CKAP5: variants seen among roughly 807,000 people sequenced by gnomAD.
CKAP5 encodes the protein cytoskeleton associated protein 5.
CKAP5 carries 27 observed loss-of-function variants against 232.8 expected under a neutral mutation model. The observed-to-expected ratio is 0.12, with a 90% confidence interval of 0.09 to 0.16. CKAP5 has a LOEUF of 0.16. CKAP5 is among the 10% of genes least tolerant of loss of function. The pLI is 1.00. For missense variants in CKAP5, 1,838 were observed against 2,424.7 expected (o/e 0.76, Z 5.08); for synonymous variants, 785 against 841.1 (o/e 0.93, Z 1.16).
At chr11:46,834,552 A>C (rs1326261121) in intron 1 of CKAP5, among the ~76,000 whole-genome samples, 1 of 151,394 alleles carries the variant, frequency 6.6e-6, no homozygotes, top group Non-Finnish European at 1.5e-5. Flanking sequence ...AGAGAAGCCT[A>C]AGTCGGGTTA....
intron 4 of CKAP5, among the ~76,000 whole-genome samples, chr11:46,815,716 T>A (rs1939383051): frequency 6.6e-6 from 1 of 152,348 alleles, no homozygotes; most frequent in Admixed American, 6.5e-5. Flanking sequence ...CAACATGAAG[T>A]GCCACACTTG....
chr11:46,752,193 T>TATATATATATATATACAC (rs1408030107), intron 38 of CKAP5, among the ~76,000 whole-genome samples: 6 of 66,542 alleles, frequency 9.0e-5, no homozygotes, highest in African/African-American at 3.1e-4. Flanking sequence ...TATATATATA[T>TATATATATATATATACAC]ACACACACAC....
chr11:46,819,829 A>G (rs966898938), intron 2 of CKAP5, among the ~76,000 whole-genome samples: 1 of 152,154 alleles, frequency 6.6e-6, no homozygotes, highest in Non-Finnish European at 1.5e-5. Context: ...GAAGTATAAC[A>G]TAAATTAACA....
chr11:46,745,524 G>A (rs2065016032), intron 42 of CKAP5, among the ~76,000 whole-genome samples: 1 of 152,158 alleles, frequency 6.6e-6, no homozygotes, highest in African/African-American at 2.4e-5. Flanking sequence ...CCCCAAAAAG[G>A]GCTTTGGAAA....
At chr11:46,779,295 G>T (rs72895821) in intron 20 of CKAP5, among the ~76,000 whole-genome samples, 2,473 of 152,114 alleles carry the variant, frequency 0.016, 23 homozygotes, top group Non-Finnish European at 0.022. Context: ...ACCACACTCG[G>T]CTGACTTTTG....
intron 4 of CKAP5, among the ~76,000 whole-genome samples, chr11:46,814,517 A>T (rs1325808133): frequency 1.3e-5 from 2 of 152,194 alleles, no homozygotes; most frequent in African/African-American, 4.8e-5. Context: ...TCATACACAA[A>T]ATCATGAGAG....
chr11:46,823,626 C>A (rs1449658183), intron 1 of CKAP5, among the ~76,000 whole-genome samples: 3 of 152,104 alleles, frequency 2.0e-5, no homozygotes, highest in East Asian at 3.9e-4. Context: ...CTCACTCTGT[C>A]ACCCAGGCTG....
In CKAP5 at chr11:46,784,630, T is replaced by G; in HGVS notation, c.2012A>C (p.Lys671Thr). Residue 671 changes from lysine to threonine, a missense_variant, in exon 17 of 44, where the codon AAG (lysine) becomes ACG (threonine). Lys to Thr is a moderately conservative substitution (Grantham distance 78). This residue lies in a region of CKAP5 where 767 missense variants were observed against 954.6 expected (regional missense o/e 0.80). Transcript: ENST00000529230. ...KLHIVALIAQKGNFSKTSAQV... is the reference protein window; with the variant it reads ...KLHIVALIAQTGNFSKTSAQV... The stretch of plus-strand genomic sequence containing the variant: ...AGCTGACGTTTTGGAAAAATTTCCC[T>G]TCTGGGCAATCAAAGCAACTATATG... 6.2e-7 allele frequency: 1 copy of G among 1,614,100 alleles called. No homozygotes were observed. The highest frequency in any genetic ancestry group is 8.5e-7 in the Non-Finnish European group (1 of 1,179,972).
chr11:46,767,352 G>A (rs551588581), intron 27 of CKAP5, among the ~76,000 whole-genome samples: 46 of 152,158 alleles, frequency 3.0e-4, no homozygotes, highest in Middle Eastern at 6.8e-3. Context: ...ATCTTTCCCC[G>A]AAAATCTACA....
chr11:46,763,321 T>C, intron 29 of CKAP5, 142 bp from the exon 30 acceptor site: 1 of 950,170 alleles, frequency 1.1e-6, no homozygotes, highest in Non-Finnish European at 1.6e-6. Flanking sequence ...CTAAAAAATA[T>C]ACACACACAT....
intron 33 of CKAP5, among the ~76,000 whole-genome samples, 154 bp from the exon 34 acceptor site, chr11:46,759,596 G>A (rs2065139534): frequency 6.6e-6 from 1 of 152,188 alleles, no homozygotes; most frequent in African/African-American, 2.4e-5. Flanking sequence ...CTAAGCAAGT[G>A]CCTTTAATAG....
intron 31 of CKAP5, 136 bp from the exon 32 acceptor site, chr11:46,762,329 C>T (rs1335844207): frequency 6.0e-6 from 6 of 1,000,002 alleles, no homozygotes; most frequent in Non-Finnish European, 9.3e-6. Context: ...TTTTTGTTTA[C>T]TGCCTTTTAT....
intron 23 of CKAP5, 120 bp from the exon 24 acceptor site, chr11:46,776,503 A>G (rs2065292478): frequency 3.1e-6 from 2 of 639,652 alleles, no homozygotes; most frequent in South Asian, 4.2e-5. Flanking sequence ...ATGAACATAC[A>G]TGAAACCATC....
At chr11:46,765,003 TA>T in intron 28 of CKAP5, 127 bp downstream of exon 28, 1 of 831,342 alleles carries the variant, frequency 1.2e-6, no homozygotes, top group East Asian at 2.8e-5. Context: ...AACTAAATAA[TA>T]TAATTTATAA....
At chr11:46,800,366 G>T (rs1299992808) in intron 9 of CKAP5, among the ~76,000 whole-genome samples, 1 of 152,102 alleles carries the variant, frequency 6.6e-6, no homozygotes, top group East Asian at 1.9e-4. Flanking sequence ...CATAGCTCAT[G>T]TGAGGCTAGG....
intron 16 of CKAP5, among the ~76,000 whole-genome samples, chr11:46,785,651 C>G (rs1048306805): frequency 1.3e-5 from 2 of 152,134 alleles, no homozygotes; most frequent in African/African-American, 2.4e-5. Context: ...CACAAACATC[C>G]TCTTTTAAAA....
At chr11:46,767,992 C>T (rs542635446) in intron 26 of CKAP5, among the ~76,000 whole-genome samples, 21 of 152,080 alleles carry the variant, frequency 1.4e-4, no homozygotes, top group East Asian at 7.8e-4. Flanking sequence ...GACAGGGTTT[C>T]GCCATGTTGC....
chr11:46,818,443 C>A lies in CKAP5; in HGVS notation c.118G>T (p.Asp40Tyr). ...EALKIFQKIK[D>Y]EKSPEWSKFL... ...TTGGACCACTCTGGGCTCTTTTCATCCTTTATTTTCTGGAAGATCTTCAGG... is the reference window on the plus strand; with the variant it reads ...TTGGACCACTCTGGGCTCTTTTCATACTTTATTTTCTGGAAGATCTTCAGG... The change falls in exon 3 of 44, where the codon GAT (aspartate) becomes TAT (tyrosine). Residue 40 changes from aspartate to tyrosine, a missense_variant. Coordinates refer to ENST00000529230, the MANE Select transcript of CKAP5 (RefSeq NM_001008938.4). 1 of 1,608,376 alleles carries A rather than the reference C, an allele frequency of 6.2e-7. No homozygotes were observed. The highest frequency in any genetic ancestry group is 8.5e-7 in the Non-Finnish European group (1 of 1,178,036).
intron 2 of CKAP5, among the ~76,000 whole-genome samples, chr11:46,819,246 GC>G (rs1346460815): frequency 6.6e-6 from 1 of 151,622 alleles, no homozygotes; most frequent in Non-Finnish European, 1.5e-5. Context: ...GGAAAGAGTG[GC>G]AAAAGGGGAG....
Sources: allele counts gnomAD v4.1 joint callset (sites outside exome capture counted in the v4.1 genomes callset), GRCh38; gene constraint gnomAD v4.1.1; regional missense constraint gnomAD v4.1.1; transcripts MANE v1.5; gene names NCBI Gene and HGNC (gene_info 2026-07-23, HGNC 2026-07-21).